Variants in DPYD observed in about 807,000 individuals in gnomAD.
The protein encoded by DPYD is dihydropyrimidine dehydrogenase [NADP(+)].
Under a neutral mutation model 116.2 loss-of-function variants are expected in DPYD, and 109 were observed. The observed-to-expected ratio is 0.94, with a 90% CI of 0.80 to 1.10. The LOEUF is 1.10. Among genes scored for constraint, DPYD ranks in the 50% least tolerant of loss-of-function variants. DPYD has a pLI of 0.00. For synonymous variants in DPYD, 440 were observed against 432.0 expected (o/e 1.02, Z -0.23); for missense variants, 1,302 against 1,254.5 (o/e 1.04, Z -0.57).
chr1:97,488,256 G>A (rs1678762533), intron 13 of DPYD, among the ~76,000 whole-genome samples: 1 of 152,106 alleles, frequency 6.6e-6, no homozygotes, highest in Non-Finnish European at 1.5e-5. Context: ...GACAGATTAT[G>A]GTTTCCAGGC....
rs180812739 is a variant in DPYD at position 97,134,052 on chromosome 1, T to A, written c.2623-35420A>T. ...ATATATATATATATATATATATATA[T>A]ATATATATATATATATTCTAATTAT... On this transcript the variant is annotated intron_variant, in intron 20 of 22. Coordinates refer to ENST00000370192, the MANE Select transcript of DPYD (RefSeq NM_000110.4). 8.1e-3 allele frequency among the ~76,000 whole-genome samples: 616 copies of A among 76,480 alleles called. 59 individuals carry two copies. The highest frequency in any genetic ancestry group is 0.028 in the African/African-American group (572 of 20,200). The allele number at this position is 76,480 out of a possible 152,430, so 50.2% of individuals were successfully genotyped here.
At chr1:97,081,008 G>A (rs1464223538) in intron 22 of DPYD, among the ~76,000 whole-genome samples, 3 of 151,994 alleles carry the variant, frequency 2.0e-5, no homozygotes, top group Non-Finnish European at 4.4e-5. Context: ...TTTGAAAGAC[G>A]ACATGAAAGT....
intron 8 of DPYD, among the ~76,000 whole-genome samples, chr1:97,671,946 A>AT (rs202099045): frequency 0.016 from 2,013 of 127,862 alleles, 43 homozygotes; most frequent in East Asian, 0.053. Flanking sequence ...TTTATCTATT[A>AT]TTTTTTTTTT....
chr1:97,526,300 G>T (rs1275774097), intron 12 of DPYD, among the ~76,000 whole-genome samples: 1 of 152,078 alleles, frequency 6.6e-6, no homozygotes, highest in Non-Finnish European at 1.5e-5. Flanking sequence ...TTCTTTCTAT[G>T]TACAGCTACT....
intron 14 of DPYD, among the ~76,000 whole-genome samples, chr1:97,435,233 C>T (rs1675405016): frequency 6.6e-6 from 1 of 151,812 alleles, no homozygotes; most frequent in Non-Finnish European, 1.5e-5. Flanking sequence ...TACATCTTTA[C>T]CAACAAATTT....
chr1:97,554,501 G>A (rs1651551914), intron 11 of DPYD, among the ~76,000 whole-genome samples: 1 of 151,962 alleles, frequency 6.6e-6, no homozygotes, highest in African/African-American at 2.4e-5. Flanking sequence ...TGTCCTTGTT[G>A]TTTAATTTTA....
At chr1:97,092,682 T>A (rs1276772176) in intron 21 of DPYD, among the ~76,000 whole-genome samples, 1 of 152,118 alleles carries the variant, frequency 6.6e-6, no homozygotes, top group African/African-American at 2.4e-5. Flanking sequence ...CATAGGCCCA[T>A]AATTCCTTTA....
intron 18 of DPYD, among the ~76,000 whole-genome samples, chr1:97,285,020 T>C (rs6593641): frequency 0.59 from 90,356 of 151,996 alleles, 27,088 homozygotes; most frequent in South Asian, 0.71. Context: ...ACACACAACA[T>C]TGATGCTAAC....
intron 16 of DPYD, among the ~76,000 whole-genome samples, chr1:97,325,183 CTT>C (rs1668650564): frequency 6.6e-6 from 1 of 151,904 alleles, no homozygotes; most frequent in Non-Finnish European, 1.5e-5. Context: ...TAGTTTAAAA[CTT>C]TGCGCTTTTT....
At chr1:97,675,969 G>C (rs562035058) in intron 8 of DPYD, among the ~76,000 whole-genome samples, 7 of 151,898 alleles carry the variant, frequency 4.6e-5, no homozygotes, top group Admixed American at 3.9e-4. Flanking sequence ...GGATGGTCTC[G>C]ATCTCTTGAC....
intron 2 of DPYD, among the ~76,000 whole-genome samples, chr1:97,877,364 G>A (rs974979777): frequency 6.6e-5 from 10 of 151,994 alleles, no homozygotes; most frequent in Admixed American, 6.6e-4. Context: ...GAAATAAGGG[G>A]TGAGGGGGAC....
chr1:97,207,848 C>A (rs12120388), intron 19 of DPYD, among the ~76,000 whole-genome samples: 64,711 of 151,948 alleles, frequency 0.43, 15,271 homozygotes, highest in East Asian at 0.72. Flanking sequence ...TGGGTCAGGA[C>A]TAATGTTTTC....
At chr1:97,575,608 T>A (rs1653214821) in intron 10 of DPYD, among the ~76,000 whole-genome samples, 1 of 152,084 alleles carries the variant, frequency 6.6e-6, no homozygotes, top group South Asian at 2.1e-4. Flanking sequence ...ATTATGAAAA[T>A]CAAGAAATTA....
intron 3 of DPYD, among the ~76,000 whole-genome samples, chr1:97,822,632 T>A (rs1162216354): frequency 6.6e-6 from 1 of 152,058 alleles, no homozygotes; most frequent in African/African-American, 2.4e-5. Context: ...CTCTTAATAC[T>A]TAGTGACACA....
intron 12 of DPYD, among the ~76,000 whole-genome samples, chr1:97,543,115 ATTATT>A (rs1282576524): frequency 1.3e-5 from 2 of 152,172 alleles, no homozygotes; most frequent in Non-Finnish European, 2.9e-5. Context: ...AGCTCTAATT[ATTATT>A]TTAAGTAATA....
At chr1:97,413,223 T>C (rs970787512) in intron 14 of DPYD, among the ~76,000 whole-genome samples, 5 of 152,170 alleles carry the variant, frequency 3.3e-5, no homozygotes, top group Admixed American at 2.0e-4. Flanking sequence ...ATGTTCTTTC[T>C]TGAGACCATG....
At chr1:97,558,790 T>C (rs1166077265) in intron 11 of DPYD, among the ~76,000 whole-genome samples, 1 of 152,210 alleles carries the variant, frequency 6.6e-6, no homozygotes, top group Non-Finnish European at 1.5e-5. Flanking sequence ...AGAATTAAAA[T>C]AGTCCAAGCA....
At chr1:97,496,677 G>T (rs1375292075) in intron 13 of DPYD, among the ~76,000 whole-genome samples, 1 of 151,888 alleles carries the variant, frequency 6.6e-6, no homozygotes, top group African/African-American at 2.4e-5. Context: ...ACTATGCAGG[G>T]CAACTGTTTG....
chr1:97,608,777 A>T (rs2100742510), intron 8 of DPYD, among the ~76,000 whole-genome samples: 1 of 151,954 alleles, frequency 6.6e-6, no homozygotes, highest in African/African-American at 2.4e-5. Flanking sequence ...ATACACATAT[A>T]AATGTATATT....
Sources: allele counts gnomAD v4.1 joint callset (sites outside exome capture counted in the v4.1 genomes callset), GRCh38; gene constraint gnomAD v4.1.1; transcripts MANE v1.5; gene names NCBI Gene and HGNC (gene_info 2026-07-23, HGNC 2026-07-21).